Variants in TDRD12 observed in about 807,000 individuals in gnomAD.
TDRD12 encodes the protein putative ATP-dependent RNA helicase TDRD12.
TDRD12 carries 158 observed loss-of-function variants against 133.5 expected under a neutral mutation model. That is an observed-to-expected ratio of 1.18 (90% CI 1.04 to 1.35). The LOEUF (loss-of-function observed/expected upper bound fraction) is 1.35, where lower values mean the gene tolerates loss of function less well. Among genes scored for constraint, TDRD12 ranks in the 40% most tolerant of loss-of-function variants. TDRD12 has a pLI of 0.00. For synonymous variants in TDRD12, 460 were observed against 477.9 expected (o/e 0.96, Z 0.49); for missense variants, 1,443 against 1,321.3 (o/e 1.09, Z -1.43).
chr19:32,802,050 G>A (rs1361501478), intron 19 of TDRD12, among the ~76,000 whole-genome samples, 177 bp downstream of exon 19: 3 of 150,790 alleles, frequency 2.0e-5, no homozygotes, highest in African/African-American at 7.3e-5. Flanking sequence ...TTTTGATGTT[G>A]AGGTAAATCT....
intron 4 of TDRD12, among the ~76,000 whole-genome samples, chr19:32,747,194 TTAGA>T (rs1275001649): frequency 1.3e-5 from 2 of 152,178 alleles, no homozygotes; most frequent in Non-Finnish European, 2.9e-5. Context: ...TGTTCATATG[TTAGA>T]TTGGGTTTTC....
intron 11 of TDRD12, among the ~76,000 whole-genome samples, chr19:32,789,060 G>A (rs1000766093): frequency 6.6e-6 from 1 of 152,136 alleles, no homozygotes; most frequent in Non-Finnish European, 1.5e-5. Context: ...GGCCTTCCTC[G>A]GGTTGGGGTG....
chr19:32,773,388 G>T, intron 9 of TDRD12, 68 bp from the exon 10 acceptor site: 2 of 1,360,166 alleles, frequency 1.5e-6, no homozygotes, highest in Admixed American at 2.0e-5. Context: ...TGGAATTTTG[G>T]TTCCAAAAGA....
rs1214100587 is a variant in TDRD12, at chr19:32,807,662, A to C, written c.2652+14A>C. On this transcript the variant is annotated intron_variant, in intron 22 of 27. Transcript: ENST00000444215. ...GGATACATTAAAGTAGGTTTGGTTAAAGATGCTTGTGTCCTCTGACGAATG... is the reference window on the plus strand; with the variant it reads ...GGATACATTAAAGTAGGTTTGGTTACAGATGCTTGTGTCCTCTGACGAATG... The C allele has an allele frequency of 2.7e-6, 4 of 1,493,852 alleles. No homozygotes were observed. The highest frequency in any genetic ancestry group is 2.7e-6 in the Non-Finnish European group (3 of 1,116,280). The allele number at this position is 1,493,852 out of a possible 1,614,324, so 92.5% of individuals were successfully genotyped here. A position where few individuals can be genotyped will look rare whatever the true frequency, so the allele number is the denominator to read the frequency against.
chr19:32,804,919 C>T (rs1468299360), intron 21 of TDRD12, among the ~76,000 whole-genome samples: 2 of 151,410 alleles, frequency 1.3e-5, no homozygotes, highest in African/African-American at 4.9e-5. Flanking sequence ...TTGTCTATTT[C>T]AAGGTCATGA....
At chr19:32,759,868 AT>A (rs1970102720) in intron 8 of TDRD12, among the ~76,000 whole-genome samples, 1 of 152,214 alleles carries the variant, frequency 6.6e-6, no homozygotes. Context: ...ATGGGATGTC[AT>A]CCCCATCCCC....
exon 10 of TDRD12, chr19:32,827,372 C>CTTTTCTTTTATT: frequency 1.6e-5 from 2 of 122,398 alleles, no homozygotes; most frequent in African/African-American, 6.9e-5. Context: ...CTTTTCTTTT[C>CTTTTCTTTTATT]TTTTTTTTTT....
chr19:32,822,097 G>T (rs1406608213), downstream of TDRD12, among the ~76,000 whole-genome samples: 1 of 152,098 alleles, frequency 6.6e-6, no homozygotes, highest in Non-Finnish European at 1.5e-5. Context: ...CTCCAGCCTG[G>T]ATGACAGATT....
intron 4 of TDRD12, among the ~76,000 whole-genome samples, chr19:32,746,925 G>T (rs1372300307): frequency 1.5e-5 from 2 of 131,398 alleles, no homozygotes; most frequent in African/African-American, 6.2e-5. Flanking sequence ...ACTGGCTGAT[G>T]TGGCTATTCT....
intron 4 of TDRD12, 146 bp from the exon 5 acceptor site, chr19:32,748,330 G>A: frequency 1.3e-6 from 1 of 754,106 alleles, no homozygotes; most frequent in South Asian, 1.8e-5. Flanking sequence ...CACCCCCAGA[G>A]CAGGGCCAGT....
intron 2 of TDRD12, among the ~76,000 whole-genome samples, chr19:32,733,354 C>T (rs1461179707): frequency 6.6e-6 from 1 of 151,882 alleles, no homozygotes; most frequent in Non-Finnish European, 1.5e-5. Flanking sequence ...CCTGTAATCC[C>T]AGCTACTAGA....
At chr19:32,804,877 C>G (rs1971498967) in intron 21 of TDRD12, among the ~76,000 whole-genome samples, 1 of 151,000 alleles carries the variant, frequency 6.6e-6, no homozygotes, top group Non-Finnish European at 1.5e-5. Context: ...GCCTGGACAA[C>G]AGAGCGAGAT....
At chr19:32,737,086 T>C in intron 2 of TDRD12, among the ~76,000 whole-genome samples, 1 of 152,170 alleles carries the variant, frequency 6.6e-6, no homozygotes, top group Non-Finnish European at 1.5e-5. Flanking sequence ...TTTATGTATT[T>C]TATTGAATAC....
exon 1 of TDRD12, chr19:32,719,860 G>C: frequency 1.6e-6 from 1 of 607,474 alleles, no homozygotes; most frequent in East Asian, 2.8e-5. Context: ...TGCCAGGACG[G>C]AGCGCATTGC....
intron 1 of TDRD12, among the ~76,000 whole-genome samples, chr19:32,728,898 C>A (rs554681645): frequency 6.0e-4 from 91 of 150,706 alleles, no homozygotes; most frequent in South Asian, 1.5e-3. Flanking sequence ...CCGCCCGTCT[C>A]GGCCTCCCAA....
intron 9 of TDRD12, chr19:32,826,721 CTG>C (rs1967603796): frequency 4.9e-6 from 6 of 1,232,258 alleles, no homozygotes; most frequent in East Asian, 3.2e-5. Context: ...ACTGGGAAGA[CTG>C]TGAAGAGGAC....
intron 8 of TDRD12, among the ~76,000 whole-genome samples, chr19:32,763,634 G>A (rs1226877944): frequency 5.9e-5 from 9 of 152,152 alleles, no homozygotes; most frequent in African/African-American, 1.4e-4. Flanking sequence ...GTCGAAGCAC[G>A]AGATTTTCCT....
At chr19:32,737,926 A>G (rs759830101) in intron 2 of TDRD12, among the ~76,000 whole-genome samples, 1 of 152,128 alleles carries the variant, frequency 6.6e-6, no homozygotes, top group Non-Finnish European at 1.5e-5. Flanking sequence ...TGAGGTCAGG[A>G]GTTCGAGGCC....
chr19:32,780,283 G>A (rs1439738929), intron 11 of TDRD12, among the ~76,000 whole-genome samples: 2 of 151,812 alleles, frequency 1.3e-5, no homozygotes, highest in Admixed American at 6.6e-5. Flanking sequence ...ACGGGGTTTC[G>A]CCATGATGGC....
Sources: allele counts gnomAD v4.1 joint callset (sites outside exome capture counted in the v4.1 genomes callset), GRCh38; gene constraint gnomAD v4.1.1; transcripts MANE v1.5; gene names NCBI Gene and HGNC (gene_info 2026-07-23, HGNC 2026-07-21).